TRIP11: variants seen among roughly 807,000 people sequenced by gnomAD.
TRIP11 encodes the protein thyroid receptor-interacting protein 11.
TRIP11 carries 148 observed loss-of-function variants against 223.1 expected under a neutral mutation model. The ratio of observed to expected loss-of-function variants is 0.66; its 90% CI spans 0.58 to 0.76. The LOEUF is 0.76. TRIP11 is among the 30% of genes least tolerant of loss of function. The pLI, the probability that TRIP11 is intolerant of heterozygous loss-of-function variation, is 0.00. For missense variants in TRIP11, 2,043 were observed against 2,222.0 expected (o/e 0.92, Z 1.62); for synonymous variants, 762 against 772.6 (o/e 0.99, Z 0.23).
At chr14:91,992,951 T>G (rs1317137950) in intron 15 of TRIP11, among the ~76,000 whole-genome samples, 1 of 136,510 alleles carries the variant, frequency 7.3e-6, no homozygotes, top group African/African-American at 2.7e-5. Context: ...GACAAGTTTC[T>G]CCTAAATCTA....
chr14:92,017,134 G>A (rs750900094), intron 5 of TRIP11, among the ~76,000 whole-genome samples: 10 of 152,024 alleles, frequency 6.6e-5, no homozygotes, highest in Non-Finnish European at 8.8e-5. Flanking sequence ...ATACAATAGA[G>A]TATAGAGACT....
chr14:91,989,882 G>A (rs1020225616), intron 15 of TRIP11, among the ~76,000 whole-genome samples: 7 of 152,106 alleles, frequency 4.6e-5, no homozygotes, highest in African/African-American at 1.4e-4. Context: ...CGCAGGTTCC[G>A]CCTATGCCTA....
intron 3 of TRIP11, among the ~76,000 whole-genome samples, chr14:92,023,476 G>T (rs1256816251): frequency 6.6e-6 from 1 of 152,174 alleles, no homozygotes; most frequent in Non-Finnish European, 1.5e-5. Flanking sequence ...ATAAAACAAA[G>T]CTTGTGTTCA....
At chr14:91,977,514 G>GAATAGTTTC (rs141514406) in intron 16 of TRIP11, among the ~76,000 whole-genome samples, 24,014 of 151,862 alleles carry the variant, frequency 0.16, 2,482 homozygotes, top group African/African-American at 0.3. Context: ...TATTCTTTTG[G>GAATAGTTTC]CAACCTTGTT....
At chr14:92,029,275 G>GTATTATTAT (rs1566874489) in intron 2 of TRIP11, among the ~76,000 whole-genome samples, 3 of 120,152 alleles carry the variant, frequency 2.5e-5, no homozygotes, top group African/African-American at 6.9e-5. Flanking sequence ...ATTGCCCAAA[G>GTATTATTAT]TATTATTTTT....
intron 2 of TRIP11, chr14:92,026,696 C>T: frequency 9.8e-7 from 1 of 1,024,722 alleles, no homozygotes. Flanking sequence ...GAGCAAGAGG[C>T]TGACAATGAA....
At chr14:92,009,241 C>T (rs1265359807) in intron 9 of TRIP11, among the ~76,000 whole-genome samples, 1 of 152,000 alleles carries the variant, frequency 6.6e-6, no homozygotes. Flanking sequence ...ACTATGTTGC[C>T]CAGGCTGGTC....
At position 92,006,061 on chromosome 14, in the gene TRIP11, A is replaced by G; in HGVS notation, c.1915T>C (p.Phe639Leu). ...QSLNQDSNSNFKDTLLKEREA... is the reference protein window; with the variant it reads ...QSLNQDSNSNLKDTLLKEREA... ...CTTTCTTTAAGTAAGGTATCCTTAA[A>G]ATTACTATTAGAGTCTTGATTTAGA... Residue 639 changes from phenylalanine (F) to leucine (L), a missense_variant, in exon 11 of 21, where the codon TTT becomes CTT. Physicochemically the swap from Phe to Leu is conservative, Grantham distance 22. Coordinates refer to ENST00000267622, the MANE Select transcript of TRIP11 (RefSeq NM_004239.4). 6.3e-7 allele frequency: 1 copy of G among 1,582,010 alleles called. No homozygotes were observed. The highest frequency in any genetic ancestry group is 1.2e-5 in the South Asian group (1 of 84,084).
chr14:91,997,252 C>T (rs539208532), intron 13 of TRIP11, among the ~76,000 whole-genome samples: 1 of 152,180 alleles, frequency 6.6e-6, no homozygotes, highest in East Asian at 1.9e-4. Context: ...CACCATAATC[C>T]GGTTTGTAGA....
rs113569694 is a variant in TRIP11, at chr14:92,012,682, C to A, written c.1187-887G>T. 2.6e-3 allele frequency among the ~76,000 whole-genome samples: 401 copies of A among 152,158 alleles called. 4 individuals carry two copies. The highest frequency in any genetic ancestry group is 0.016 in the East Asian group (83 of 5,172). ...GAGAAAGCAGAAAATGCAAGGGTAA[C>A]AGAGTGAAGAGGTAACATTGCTGCT... On this transcript the variant is annotated intron_variant, in intron 7 of 20. Coordinates refer to ENST00000267622, the MANE Select transcript of TRIP11 (RefSeq NM_004239.4).
Position 92,007,836 on chromosome 14 carries a change from G to T in TRIP11, c.1331C>A (p.Ser444Ter). The T allele has an allele frequency of 6.2e-7, 1 of 1,609,074 alleles. No homozygotes were observed. The highest frequency in any genetic ancestry group is 1.1e-5 in the South Asian group (1 of 90,794). ...ATATTCATTGTTCAATTTTAAAAGT[G>T]ACATCTGAAGTTCTTCCTGAAATGA... ...LSQEKEELQM[S>*]LLKLNNEYEV... is the part of the protein sequence containing the mutation. Residue 444 changes from serine (S) to a stop codon, truncating the protein, a stop_gained, in exon 10 of 21, where the codon TCA becomes TAA. Coordinates refer to ENST00000267622, the MANE Select transcript of TRIP11 (RefSeq NM_004239.4). LOFTEE classifies it high-confidence loss of function.
intron 2 of TRIP11, among the ~76,000 whole-genome samples, chr14:92,028,185 A>G (rs1304434240): frequency 6.6e-6 from 1 of 152,200 alleles, no homozygotes; most frequent in Non-Finnish European, 1.5e-5. Flanking sequence ...CTGATTAATA[A>G]ATAGAACTGT....
At chr14:91,991,089 C>G (rs1475845343) in intron 15 of TRIP11, among the ~76,000 whole-genome samples, 1 of 152,074 alleles carries the variant, frequency 6.6e-6, no homozygotes, top group African/African-American at 2.4e-5. Context: ...AACCTGATTC[C>G]CAATGTGGCA....
At chr14:91,971,485 C>T (rs896659842) in intron 20 of TRIP11, among the ~76,000 whole-genome samples, 1 of 150,172 alleles carries the variant, frequency 6.7e-6, no homozygotes, top group African/African-American at 2.5e-5. Context: ...AGGCTGGGCA[C>T]TGGACTTGAT....
At chr14:92,029,280 ATTTTTTTTTTTTTTTT>A (rs60778253) in intron 2 of TRIP11, among the ~76,000 whole-genome samples, 22 of 76,798 alleles carry the variant, frequency 2.9e-4, no homozygotes, top group Non-Finnish European at 3.7e-4. Context: ...CCAAAGTATT[ATTTTTTTTTTTTTTTT>A]TTTTTTTTTT....
chr14:91,993,696 G>A, intron 15 of TRIP11, 113 bp downstream of exon 15: 1 of 853,160 alleles, frequency 1.2e-6, no homozygotes, highest in Non-Finnish European at 1.9e-6. Context: ...GCTGGATTCA[G>A]GGTAGAAAAT....
At chr14:92,029,648 A>G (rs1352923788) in intron 2 of TRIP11, among the ~76,000 whole-genome samples, 1 of 152,154 alleles carries the variant, frequency 6.6e-6, no homozygotes, top group Non-Finnish European at 1.5e-5. Context: ...AGCTGTCTAC[A>G]GACACCACTT....
rs35251290 is a variant in TRIP11 at position 91,968,333 on chromosome 14, AT to A, written c.*1339del. 2,400 of 196,938 alleles carry A rather than the reference AT, an allele frequency of 0.012. 44 individuals are homozygous for A. Among genetic ancestry groups the A allele is most frequent in the African/African-American group, 0.042 (1,830 of 43,140 alleles). 12.2% of individuals were successfully genotyped at this position (196,938 alleles called of 1,614,324 possible). On this transcript the variant is annotated 3_prime_UTR_variant, in exon 21 of 21. Coordinates refer to ENST00000267622, the MANE Select transcript of TRIP11 (RefSeq NM_004239.4). ...AGATACAGTTAAGTTTCAAGTCGGG[AT>A]TTTTTTTTTATGATGGGTTTATGAA...
At chr14:91,981,883 G>A (rs76098399) in intron 16 of TRIP11, among the ~76,000 whole-genome samples, 1,724 of 151,984 alleles carry the variant, frequency 0.011, 30 homozygotes, top group South Asian at 0.036. Flanking sequence ...GGGAAGCCAA[G>A]GCAGAAGGAT....
Sources: gnomAD v4.1 joint callset for allele counts (sites outside exome capture counted in the v4.1 genomes callset) on GRCh38, gnomAD v4.1.1 for gene constraint, MANE v1.5 for transcripts, NCBI Gene and HGNC (gene_info 2026-07-23, HGNC 2026-07-21) for gene names.